The following TRPV3 variants were observed in gnomAD, a reference collection of about 807,000 sequenced individuals.
The protein encoded by TRPV3 is VRL-3.
In TRPV3, 88 loss-of-function variants were observed where a neutral mutation model predicts 87.1. The ratio of observed to expected loss-of-function variants is 1.01; its 90% CI spans 0.85 to 1.21. The LOEUF (loss-of-function observed/expected upper bound fraction) is 1.21. TRPV3 is among the 50% of genes most tolerant of loss of function. The pLI is 0.00. For missense variants in TRPV3, 1,054 were observed against 1,030.1 expected (o/e 1.02, Z -0.32); for synonymous variants, 438 against 423.3 (o/e 1.03, Z -0.43).
rs184404574 is a variant in TRPV3, at chr17:3,526,400, C to T, written c.1577+454G>A. Among the ~76,000 whole-genome samples, 673 of 152,172 alleles carry T rather than the reference C, an allele frequency of 4.4e-3. 3 individuals are homozygous for T. Among genetic ancestry groups the T allele is most frequent in the African/African-American group, 0.015 (618 of 41,534 alleles). On this transcript the variant is annotated intron_variant, in intron 12 of 17. Transcript: ENST00000576742. Reference sequence around the variant, plus strand: ...GGCTGAGGCAGGAGAATCGCTTGAACCTGGGAGGTGGAGGTTGCAGTGAGC... The same window carrying T: ...GGCTGAGGCAGGAGAATCGCTTGAATCTGGGAGGTGGAGGTTGCAGTGAGC...
At chr17:3,545,438 A>G (rs1282668955) in intron 2 of TRPV3, among the ~76,000 whole-genome samples, 167 bp from the exon 3 acceptor site, 1 of 152,216 alleles carries the variant, frequency 6.6e-6, no homozygotes, top group African/African-American at 2.4e-5. Context: ...GGAGATGGAC[A>G]CTGTCATTAT....
At chr17:3,514,236 G>A (rs1164242574) in intron 17 of TRPV3, 12 of 488,972 alleles carry the variant, frequency 2.5e-5, no homozygotes, top group Non-Finnish European at 4.0e-5. Flanking sequence ...CTGCCACCAC[G>A]TTCGGCTAAT....
intron 2 of TRPV3, chr17:3,554,067 C>G (rs1414285438): frequency 1.3e-5 from 2 of 152,510 alleles, no homozygotes; most frequent in Non-Finnish European, 2.9e-5. Flanking sequence ...ACGTCCCCAG[C>G]GAAGAAGTAA....
chr17:3,550,173 TC>T (rs1224290637), intron 2 of TRPV3, among the ~76,000 whole-genome samples: 1 of 152,132 alleles, frequency 6.6e-6, no homozygotes, highest in Non-Finnish European at 1.5e-5. Flanking sequence ...GTTGCATCCT[TC>T]AGGTGACTTC....
Position 3,542,786 on chromosome 17 carries a change from AGACCCCAAGCCCCT to A in TRPV3, c.467-102_467-89del, listed in dbSNP as rs1241236289. On this transcript the variant is annotated intron_variant, in intron 5 of 17. Coordinates refer to ENST00000576742, the MANE Select transcript of TRPV3 (RefSeq NM_145068.4). ...CAGAGGGTGTGGTTGCTGCAGCCGC[AGACCCCAAGCCCCT>A]GCTCCACATCTCCACTCCCAGACCT... 6 of 1,418,628 alleles carry A rather than the reference AGACCCCAAGCCCCT, an allele frequency of 4.2e-6. No homozygotes were observed. The African/African-American group carries it at 8.5e-5, about 20-fold the overall frequency. The allele number at this position is 1,418,628 out of a possible 1,614,324, so 87.9% of individuals were successfully genotyped here.
intron 5 of TRPV3, among the ~76,000 whole-genome samples, chr17:3,543,258 A>AC (rs1293107543): frequency 1.3e-5 from 2 of 150,590 alleles, no homozygotes; most frequent in African/African-American, 4.9e-5. Context: ...CTCCAGCTTC[A>AC]CCCCCATCTT....
chr17:3,525,156 A>G (rs1231018646), intron 12 of TRPV3, among the ~76,000 whole-genome samples: 2 of 150,362 alleles, frequency 1.3e-5, no homozygotes, highest in African/African-American at 2.4e-5. Context: ...AGTAGCTGGG[A>G]TTACAGGCAC....
At position 3,518,716 on chromosome 17, in the gene TRPV3, T is replaced by TG; in HGVS notation, c.1944dup (p.Lys649GlnfsTer56). 2 of 1,613,058 alleles carry TG rather than the reference T, an allele frequency of 1.2e-6. No homozygotes were observed. The highest frequency in any genetic ancestry group is 1.7e-6 in the Non-Finnish European group (2 of 1,179,634). ...AGGAACAGAAAGAGAATGGGATACT[T>TG]GGAGTTCTGCTGGATGTTCAGGTCA... On this transcript the variant is annotated frameshift_variant, in exon 15 of 18. Transcript: ENST00000576742. LOFTEE classifies it high-confidence loss of function. The surrounding 1 kb of genome is among the most constrained non-coding windows in gnomAD (Gnocchi z 4.3).
chr17:3,527,197 C>G (rs2074307767), intron 11 of TRPV3, among the ~76,000 whole-genome samples: 1 of 152,174 alleles, frequency 6.6e-6, no homozygotes, highest in Non-Finnish European at 1.5e-5. Flanking sequence ...ACTACCACTA[C>G]AGCCGCCTTC....
intron 2 of TRPV3, chr17:3,553,979 C>G (rs1252034493): frequency 6.6e-6 from 1 of 152,400 alleles, no homozygotes. Flanking sequence ...GCTGGGGGTG[C>G]AGAATCTATA....
At chr17:3,554,068 G>A (rs139161972) in intron 2 of TRPV3, 2 of 152,610 alleles carry the variant, frequency 1.3e-5, no homozygotes, top group African/African-American at 2.4e-5. Context: ...CGTCCCCAGC[G>A]AAGAAGTAAA....
rs753595248 is a variant in TRPV3, at chr17:3,518,861, A to G, written c.1811-11T>C. On this transcript the variant is annotated splice_polypyrimidine_tract_variant and intron_variant, in intron 14 of 17. Transcript: ENST00000576742. This position sits in a 1 kb window ranked among gnomAD's most constrained non-coding sequence, Gnocchi z 4.3. The stretch of plus-strand genomic sequence containing the variant: ...TCAGCGAGGCCAAGGCTAAGGGAAC[A>G]TAACAGGGTGCTCTCCTCAGCTCTC... 5.6e-6 allele frequency: 9 copies of G among 1,609,200 alleles called. No individual in the cohort carries two copies. Among genetic ancestry groups the G allele is most frequent in the South Asian group, 4.4e-5 (4 of 90,304 alleles).
At chr17:3,551,535 G>T (rs948398817) in intron 2 of TRPV3, among the ~76,000 whole-genome samples, 3 of 152,164 alleles carry the variant, frequency 2.0e-5, no homozygotes, top group Non-Finnish European at 4.4e-5. Flanking sequence ...GTTCCTTAAA[G>T]TCGAAGAACT....
At chr17:3,544,799 C>G in intron 3 of TRPV3, 134 bp from the exon 4 acceptor site, 1 of 655,722 alleles carries the variant, frequency 1.5e-6, no homozygotes, top group African/African-American at 1.9e-5. Context: ...GAGTTCGAGA[C>G]CAGCCTGGCC....
At chr17:3,545,366 G>T in intron 2 of TRPV3, 95 bp from the exon 3 acceptor site, 2 of 909,672 alleles carry the variant, frequency 2.2e-6, no homozygotes, top group African/African-American at 1.6e-5. Flanking sequence ...CCCCCATGCT[G>T]AGCACACACC....
In TRPV3 at chr17:3,545,299, G is replaced by C. The variant is rs926266543; in HGVS notation, c.120-28C>G. ...GAGGGAACACGGAGGAAGCCTGTTA[G>C]GGCCGAGCCAGGCAGAGCCTGTCTG... On this transcript the variant is annotated intron_variant, in intron 2 of 17. Coordinates refer to ENST00000576742, the MANE Select transcript of TRPV3 (RefSeq NM_145068.4). 5.1e-6 allele frequency: 8 copies of C among 1,565,408 alleles called. No individual in the cohort carries two copies. In the Admixed American group the frequency reaches 1.0e-4, roughly 20 times the overall value.
At position 3,545,124 on chromosome 17, in the gene TRPV3, G is replaced by C. The variant is rs540128791; in HGVS notation, c.224+43C>G. The C allele has an allele frequency of 2.0e-6, 3 of 1,469,880 alleles. No homozygotes were observed. In the African/African-American group the frequency reaches 4.2e-5, roughly 20 times the overall value. The allele number at this position is 1,469,880 out of a possible 1,614,324, so 91.1% of individuals were successfully genotyped here. On this transcript the variant is annotated intron_variant, in intron 3 of 17. Coordinates refer to ENST00000576742, the MANE Select transcript of TRPV3 (RefSeq NM_145068.4). Reference sequence around the variant, plus strand: ...TCACTGGCCACATGCTGGAGCTGAGGGCTGGGCCCAGGGCAAGGGGTTGGG... The same window carrying C: ...TCACTGGCCACATGCTGGAGCTGAGCGCTGGGCCCAGGGCAAGGGGTTGGG...
In TRPV3 at chr17:3,557,205, C is replaced by T. The variant is rs961141246; in HGVS notation, c.-3+471G>A. ...TGACACTGATTGAAATGGCCTTTCC[C>T]GGGCGACAGACCAGGCCGCGGAGCC... On this transcript the variant is annotated intron_variant, in intron 1 of 17. Coordinates refer to ENST00000576742, the MANE Select transcript of TRPV3 (RefSeq NM_145068.4). This position sits in a 1 kb window ranked among gnomAD's most constrained non-coding sequence, Gnocchi z 4.5. 5.3e-5 allele frequency among the ~76,000 whole-genome samples: 8 copies of T among 152,148 alleles called. 1 individual carries two copies. The highest frequency in any genetic ancestry group is 2.1e-4 in the South Asian group (1 of 4,832).
intron 2 of TRPV3, among the ~76,000 whole-genome samples, chr17:3,548,618 G>C (rs1461425020): frequency 6.6e-6 from 1 of 152,186 alleles, no homozygotes; most frequent in Non-Finnish European, 1.5e-5. Context: ...CCAGAAATGG[G>C]GATACATGGG....
Sources: allele counts gnomAD v4.1 joint callset (sites outside exome capture counted in the v4.1 genomes callset), GRCh38; gene constraint gnomAD v4.1.1; non-coding constraint Gnocchi (gnomAD v3.1); transcripts MANE v1.5; gene names NCBI Gene and HGNC (gene_info 2026-07-23, HGNC 2026-07-21).